The following RANBP2 variants were observed in gnomAD, a reference collection of about 807,000 sequenced individuals.
The protein encoded by RANBP2 is RAN binding protein 2, also known as E3 SUMO-protein ligase RanBP2.
RANBP2 carries 57 observed loss-of-function variants against 303.6 expected under a neutral mutation model. The observed-to-expected ratio is 0.19, with a 90% CI of 0.15 to 0.23. The LOEUF (loss-of-function observed/expected upper bound fraction) is 0.23. Ranked by LOEUF, RANBP2 falls within the 10% of genes least tolerant of loss-of-function variation. RANBP2 has a pLI of 1.00. For missense variants in RANBP2, 3,138 were observed against 3,780.8 expected (o/e 0.83, Z 4.46); for synonymous variants, 1,167 against 1,301.5 (o/e 0.90, Z 2.23).
chr2:108,754,290 T>C (rs533803660), intron 15 of RANBP2, among the ~76,000 whole-genome samples: 1,971 of 151,548 alleles, frequency 0.013, 46 homozygotes, highest in African/African-American at 0.046. Flanking sequence ...GGACTAATTC[T>C]TAATGAACTT....
At chr2:109,386,012 C>A in the RANBP2 span, among the ~76,000 whole-genome samples, 25 of 152,276 alleles carry the variant, frequency 1.6e-4, no homozygotes, top group South Asian at 2.1e-3. Context: ...ATTCTTCATA[C>A]CCTGTTCTTG....
At chr2:109,142,729 C>G in the RANBP2 span, among the ~76,000 whole-genome samples, 2 of 152,162 alleles carry the variant, frequency 1.3e-5, no homozygotes, top group African/African-American at 4.8e-5. Flanking sequence ...ATTTTCTGAT[C>G]GTTGGTGTCC....
chr2:108,845,941 C>T, the RANBP2 span, among the ~76,000 whole-genome samples: 2 of 152,238 alleles, frequency 1.3e-5, no homozygotes, highest in East Asian at 1.9e-4. Context: ...TTTCATGCTA[C>T]TATTTCTATT....
At chr2:109,243,975 CT>C in the RANBP2 span, among the ~76,000 whole-genome samples, 2 of 152,208 alleles carry the variant, frequency 1.3e-5, no homozygotes, top group Non-Finnish European at 2.9e-5. Context: ...TCTGTTTGCC[CT>C]GCCCAGCTCA....
chr2:109,050,075 G>A, the RANBP2 span, among the ~76,000 whole-genome samples: 1 of 152,082 alleles, frequency 6.6e-6, no homozygotes, highest in South Asian at 2.1e-4. Context: ...CTTAAGATAT[G>A]GTAAGTCTAA....
rs375490267 is a variant in RANBP2, at chr2:108,771,816, A to G, written c.7965A>G (p.Pro2655=). The change falls in exon 21 of 29, where the codon CCA becomes CCG. Residue 2655 remains proline, a synonymous_variant. Coordinates refer to ENST00000283195, the MANE Select transcript of RANBP2 (RefSeq NM_006267.5). ...KALATKLKLP[P]TFFCYKNRPD... ...TTGCAACCAAACTTAAACTTCCTCC[A>G]ACTTTCTTCTGCTACAAGAATAGAC... 27 of 1,613,936 alleles carry G rather than the reference A, an allele frequency of 1.7e-5. No homozygotes were observed. Among genetic ancestry groups the G allele is most frequent in the Non-Finnish European group, 2.1e-5 (25 of 1,179,970 alleles).
chr2:109,001,722 GTTTT>G, the RANBP2 span, among the ~76,000 whole-genome samples: 3 of 151,974 alleles, frequency 2.0e-5, no homozygotes, highest in Admixed American at 6.6e-5. Context: ...GTTTTTTTGT[GTTTT>G]TGTTTGTTTG....
At chr2:109,509,910 A>C in the RANBP2 span, among the ~76,000 whole-genome samples, 1 of 152,198 alleles carries the variant, frequency 6.6e-6, no homozygotes, top group South Asian at 2.1e-4. Context: ...AATCAAAATA[A>C]CTAGGCGATA....
At chr2:108,896,827 T>C in the RANBP2 span, 2 of 1,404,126 alleles carry the variant, frequency 1.4e-6, no homozygotes, top group African/African-American at 1.4e-5. Flanking sequence ...TTCTTGGCAG[T>C]CTTTTGGCAC....
At chr2:108,961,699 G>A in the RANBP2 span, among the ~76,000 whole-genome samples, 1 of 152,208 alleles carries the variant, frequency 6.6e-6, no homozygotes, top group African/African-American at 2.4e-5. Flanking sequence ...CTTGGGCTCA[G>A]CTCAGCCTTG....
chr2:109,142,130 T>G, the RANBP2 span, among the ~76,000 whole-genome samples: 2 of 151,066 alleles, frequency 1.3e-5, no homozygotes, highest in African/African-American at 2.4e-5. Context: ...ACCTACCGGG[T>G]GGGGTCCCTG....
intron 17 of RANBP2, among the ~76,000 whole-genome samples, chr2:108,756,984 T>C (rs1676367738): frequency 6.6e-6 from 1 of 152,178 alleles, no homozygotes; most frequent in African/African-American, 2.4e-5. Context: ...GGAAATTTTA[T>C]TTAGCTTGAA....
the RANBP2 span, among the ~76,000 whole-genome samples, chr2:108,984,865 G>A: frequency 6.6e-6 from 1 of 152,174 alleles, no homozygotes; most frequent in Non-Finnish European, 1.5e-5. Flanking sequence ...TTTGCTGAAT[G>A]AATGAATGTG....
the RANBP2 span, chr2:108,929,433 C>A: frequency 6.4e-7 from 1 of 1,573,422 alleles, no homozygotes; most frequent in Non-Finnish European, 8.7e-7. Flanking sequence ...CCAAACCATA[C>A]GGACTCGGCC....
At chr2:109,210,735 A>G in the RANBP2 span, among the ~76,000 whole-genome samples, 1 of 152,186 alleles carries the variant, frequency 6.6e-6, no homozygotes. Context: ...GGGTGTAGGC[A>G]GGGAGGAAAG....
the RANBP2 span, among the ~76,000 whole-genome samples, chr2:109,163,560 G>A: frequency 3.3e-5 from 5 of 150,916 alleles, no homozygotes; most frequent in Non-Finnish European, 7.4e-5. Context: ...CACTACGCCC[G>A]GCTAATTTTT....
At chr2:109,161,258 ATGAGT>A in the RANBP2 span, among the ~76,000 whole-genome samples, 4 of 152,126 alleles carry the variant, frequency 2.6e-5, no homozygotes, top group African/African-American at 9.7e-5. Context: ...GTATGCAGTG[ATGAGT>A]TGAGTTTAGT....
chr2:109,240,446 C>G, the RANBP2 span, among the ~76,000 whole-genome samples: 4 of 152,138 alleles, frequency 2.6e-5, no homozygotes. Flanking sequence ...CAAGATCGCA[C>G]CTCTGCACTC....
the RANBP2 span, among the ~76,000 whole-genome samples, chr2:109,265,571 T>C: frequency 6.6e-6 from 1 of 152,276 alleles, no homozygotes; most frequent in East Asian, 1.9e-4. Context: ...TCAGGGCAGG[T>C]GTGGCTCTTC....
Sources: gnomAD v4.1 joint callset for allele counts (sites outside exome capture counted in the v4.1 genomes callset) on GRCh38, gnomAD v4.1.1 for gene constraint, MANE v1.5 for transcripts, NCBI Gene and HGNC (gene_info 2026-07-23, HGNC 2026-07-21) for gene names.